Variants in ABL1 observed in about 807,000 individuals in gnomAD.
ABL1 encodes the protein tyrosine-protein kinase ABL1.
Under a neutral mutation model 94.7 loss-of-function variants are expected in ABL1, and 11 were observed. The observed-to-expected ratio is 0.12, with a 90% CI of 0.07 to 0.19. The LOEUF (loss-of-function observed/expected upper bound fraction) is 0.19, where lower values mean the gene tolerates loss of function less well. Ranked by LOEUF, ABL1 falls within the 10% of genes least tolerant of loss-of-function variation. The pLI is 1.00. For synonymous variants in ABL1, 656 were observed against 622.4 expected, an observed-to-expected ratio of 1.05 and a Z score of -0.80; for missense variants, 1,082 against 1,489.4, an observed-to-expected ratio of 0.73 and a Z score of 4.50.
Position 130,814,705 on chromosome 9 carries a change from G to A in ABL1, c.137-39359G>A, listed in dbSNP as rs1358780427. 2.0e-5 allele frequency among the ~76,000 whole-genome samples: 3 copies of A among 151,748 alleles called. No homozygotes were observed. Among genetic ancestry groups the A allele is most frequent in the Non-Finnish European group, 2.9e-5 (2 of 67,948 alleles). On this transcript the variant is annotated intron_variant, in intron 1 of 10. Transcript: ENST00000372348. The surrounding 1 kb of genome is among the most constrained non-coding windows in gnomAD (Gnocchi z 4.4). ...ATCCTTGCTAACACGGTGAAACCCC[G>A]TCTCCACTAAAAATACAAAAAATTC...
chr9:130,714,490 C>T (rs1337068362), intron 1 of ABL1: 2 of 1,614,098 alleles, frequency 1.2e-6, no homozygotes, highest in Non-Finnish European at 1.7e-6. Context: ...TCATGGTTTT[C>T]CTCATGCATT....
rs34558285 is a variant in ABL1 at position 130,878,400 on chromosome 9, T to A, written c.1271-15T>A. 1 of 1,613,502 alleles carries A rather than the reference T, an allele frequency of 6.2e-7. No individual in the cohort carries two copies. Among genetic ancestry groups the A allele is most frequent in the Non-Finnish European group, 8.5e-7 (1 of 1,179,462 alleles). ...ACACATCTTGAACAGCCTTTCTCTTTCGGTTTTCTTTCAGCATTTGGAGTA... is the reference window on the plus strand; with the variant it reads ...ACACATCTTGAACAGCCTTTCTCTTACGGTTTTCTTTCAGCATTTGGAGTA... On this transcript the variant is annotated splice_polypyrimidine_tract_variant and intron_variant, in intron 7 of 10. Coordinates refer to ENST00000318560, the MANE Select transcript of ABL1 (RefSeq NM_005157.6).
chr9:130,776,842 G>A (rs561504378), intron 1 of ABL1, among the ~76,000 whole-genome samples: 37 of 152,166 alleles, frequency 2.4e-4, no homozygotes, highest in African/African-American at 4.3e-4. Flanking sequence ...TCCTTCTGTC[G>A]CGGCCTCCCA....
At chr9:130,829,835 A>G (rs1332875223) in intron 1 of ABL1, among the ~76,000 whole-genome samples, 3 of 152,178 alleles carry the variant, frequency 2.0e-5, no homozygotes, top group African/African-American at 4.8e-5. Flanking sequence ...TTATCCCCCA[A>G]ATTGTGATTT....
chr9:130,790,082 C>T (rs944127793), intron 1 of ABL1, among the ~76,000 whole-genome samples: 57 of 152,194 alleles, frequency 3.7e-4, no homozygotes, highest in African/African-American at 1.1e-3. Context: ...ACAGTTTAAA[C>T]GGAGGCCCAT....
At chr9:130,760,941 T>A (rs1164779541) in intron 1 of ABL1, among the ~76,000 whole-genome samples, 2 of 133,236 alleles carry the variant, frequency 1.5e-5, no homozygotes, top group African/African-American at 5.9e-5. Context: ...CCCCCGCCCC[T>A]GCTTTTTTTT....
intron 1 of ABL1, among the ~76,000 whole-genome samples, chr9:130,828,419 C>G (rs1216126248): frequency 6.6e-6 from 1 of 152,194 alleles, no homozygotes; most frequent in Non-Finnish European, 1.5e-5. Flanking sequence ...TAAAATCCAA[C>G]AGAAGATGTG....
At chr9:130,762,787 T>C (rs1351267247) in intron 1 of ABL1, among the ~76,000 whole-genome samples, 1 of 151,802 alleles carries the variant, frequency 6.6e-6, no homozygotes, top group Non-Finnish European at 1.5e-5. Context: ...AGCGGGTGCC[T>C]GTAGTCCCAG....
exon 1 of ABL1, among the ~76,000 whole-genome samples, chr9:130,713,445 G>A (rs889441925): frequency 2.6e-5 from 4 of 151,972 alleles, no homozygotes; most frequent in Admixed American, 1.3e-4. Flanking sequence ...GCGTCGCCCC[G>A]GAGTAAGCTG....
intron 1 of ABL1, among the ~76,000 whole-genome samples, chr9:130,849,579 C>T (rs1402804883): frequency 1.3e-5 from 2 of 152,082 alleles, no homozygotes; most frequent in East Asian, 3.9e-4. Context: ...AGTGCAGTGC[C>T]GCGACCTTGG....
chr9:130,751,129 C>CTTTTTTTT lies in ABL1; in HGVS notation c.136+36697_136+36704dup, dbSNP rs60206110. ...TTTGAAACTTGTTTTTTTTATTCAG[C>CTTTTTTTT]TTTTTTTTTTTTTTTTTTTTTTTTT... On this transcript the variant is annotated intron_variant, in intron 1 of 10. Coordinates refer to the ABL1 transcript ENST00000372348. 2.0e-3 allele frequency among the ~76,000 whole-genome samples: 113 copies of CTTTTTTTT among 57,484 alleles called. 26 individuals carry two copies. The highest frequency in any genetic ancestry group is 9.6e-3 in the East Asian group (14 of 1,452). 37.7% of individuals were successfully genotyped at this position (57,484 alleles called of 152,430 possible).
In ABL1 at chr9:130,835,403, A is replaced by C; in HGVS notation, c.-44A>C. ...GGGCCTGAGCCGGGCCCGCGGACCG[A>C]GCTGGGAGAGGGGTTCCGGCCCCCG... On this transcript the variant is annotated 5_prime_UTR_variant, in exon 1 of 11. Coordinates refer to ENST00000318560, the MANE Select transcript of ABL1 (RefSeq NM_005157.6). This position sits in a 1 kb window ranked among gnomAD's most constrained non-coding sequence, Gnocchi z 4.6. 1 of 1,399,286 alleles carries C rather than the reference A, an allele frequency of 7.1e-7. No individual in the cohort carries two copies. Among genetic ancestry groups the C allele is most frequent in the Non-Finnish European group, 9.5e-7 (1 of 1,047,390 alleles). 86.7% of individuals were successfully genotyped at this position (1,399,286 alleles called of 1,614,324 possible).
At chr9:130,882,942 C>T (rs35988186) in intron 10 of ABL1, among the ~76,000 whole-genome samples, 103 of 152,106 alleles carry the variant, frequency 6.8e-4, no homozygotes, top group Non-Finnish European at 1.3e-3. Context: ...TTTAGGAGGC[C>T]GAGGTCAGCG....
intron 1 of ABL1, among the ~76,000 whole-genome samples, chr9:130,820,045 A>G (rs112501691): frequency 6.6e-6 from 1 of 151,998 alleles, no homozygotes; most frequent in Non-Finnish European, 1.5e-5. Flanking sequence ...CAGTCACTGC[A>G]GTTCACAAGT....
At position 130,854,233 on chromosome 9, in the gene ABL1, T is replaced by C. The variant is rs111886835; in HGVS notation, c.249T>C (p.Thr83=). The C allele has an allele frequency of 1.9e-6, 3 of 1,613,180 alleles. No homozygotes were observed. The South Asian group carries it at 3.3e-5, about 18-fold the overall frequency. Residue 83 remains threonine, a synonymous_variant, in exon 2 of 11, where the codon ACT becomes ACC. Transcript: ENST00000318560. ...VASGDNTLSI[T]KGEKLRVLGY... ...GTGGAGATAACACTCTAAGCATAACTAAAGGTAAAAGGGTTGTGGGCAGCT... is the reference window on the plus strand; with the variant it reads ...GTGGAGATAACACTCTAAGCATAACCAAAGGTAAAAGGGTTGTGGGCAGCT...
intron 1 of ABL1, among the ~76,000 whole-genome samples, chr9:130,769,329 CTTTT>C (rs372838676): frequency 1.2e-5 from 1 of 84,320 alleles, no homozygotes; most frequent in African/African-American, 4.6e-5. Context: ...TGGCCCTAGT[CTTTT>C]TTTTTTTTTT....
chr9:130,846,107 G>A (rs1220216656), intron 1 of ABL1, among the ~76,000 whole-genome samples: 1 of 143,812 alleles, frequency 7.0e-6, no homozygotes, highest in Non-Finnish European at 1.6e-5. Flanking sequence ...GTGTGTGTGT[G>A]TGCTTGTGTG....
intron 1 of ABL1, among the ~76,000 whole-genome samples, chr9:130,808,235 CTT>C (rs1564296062): frequency 7.1e-6 from 1 of 140,672 alleles, no homozygotes; most frequent in African/African-American, 2.7e-5. Flanking sequence ...TCTTCTTCTT[CTT>C]CTTCTTCTTC....
chr9:130,751,327 G>A (rs980133058), intron 1 of ABL1, among the ~76,000 whole-genome samples: 3 of 151,464 alleles, frequency 2.0e-5, no homozygotes, highest in Non-Finnish European at 4.4e-5. Context: ...ATTTTTAGTA[G>A]AGACAGCATC....
Sources: allele counts gnomAD v4.1 joint callset (sites outside exome capture counted in the v4.1 genomes callset), GRCh38; gene constraint gnomAD v4.1.1; non-coding constraint Gnocchi (gnomAD v3.1); transcripts MANE v1.5; gene names NCBI Gene and HGNC (gene_info 2026-07-23, HGNC 2026-07-21).